RPLP2: variants seen among roughly 807,000 people sequenced by gnomAD.
The protein encoded by RPLP2 is ribosomal protein lateral stalk subunit P2, also known as large ribosomal subunit protein P2.
Under a neutral mutation model 11.5 loss-of-function variants are expected in RPLP2, and 1 was observed. The observed-to-expected ratio is 0.09, with a 90% CI of 0.03 to 0.41. The LOEUF is 0.41. RPLP2 is among the 10% of genes least tolerant of loss of function. RPLP2 has a pLI of 0.98. For synonymous variants in RPLP2, 82 were observed against 55.9 expected, an observed-to-expected ratio of 1.47 and a Z score of -2.08; for missense variants, 177 against 145.6, an observed-to-expected ratio of 1.22 and a Z score of -1.11.
intron 3 of RPLP2, 55 bp downstream of exon 3, chr11:811,700 C>A (rs1352866353): frequency 6.2e-7 from 1 of 1,609,326 alleles, no homozygotes; most frequent in African/African-American, 1.3e-5. Context: ...CTAATCCCTG[C>A]CGGTCCATCT....
rs769624915 is a variant in RPLP2 at position 810,292 on chromosome 11, G to A, written c.58G>A (p.Ala20Thr). 1 of 1,608,560 alleles carries A rather than the reference G, an allele frequency of 6.2e-7. No individual in the cohort carries two copies. The highest frequency in any genetic ancestry group is 8.5e-7 in the Non-Finnish European group (1 of 1,178,280). The change falls in exon 2 of 5, where the codon GCC becomes ACC. Residue 20 changes from alanine to threonine, a missense_variant. By Grantham distance (58) the Ala-to-Thr change is moderately conservative (BLOSUM62 0). Coordinates refer to ENST00000321153, the MANE Select transcript of RPLP2 (RefSeq NM_001004.4). Reference protein sequence around the residue: ...AALGGNSSPSAKDIKKILDSV... With the variant: ...AALGGNSSPSTKDIKKILDSV... ...CCTAGGGGGCAACTCCTCCCCCAGC[G>A]CCAAGGACATCAAGAAGATCTTGGA...
In RPLP2 at chr11:810,016, C is replaced by T. The variant is rs11540443; in HGVS notation, c.-25C>T. ...GGTCGCACGCGTGAGACTTCTCCGC[C>T]GCCTCCGCCGCAGACGCCGCCGCGT... On this transcript the variant is annotated 5_prime_UTR_variant, in exon 1 of 5. Transcript: ENST00000321153. The T allele has an allele frequency of 1.4e-4, 36 of 253,418 alleles. No individual in the cohort carries two copies. The highest frequency in any genetic ancestry group is 1.4e-3 in the Middle Eastern group (1 of 702). 15.7% of individuals were successfully genotyped at this position (253,418 alleles called of 1,614,324 possible).
chr11:811,958 A>C, intron 3 of RPLP2: 1 of 579,908 alleles, frequency 1.7e-6, no homozygotes, highest in Non-Finnish European at 3.2e-6. Flanking sequence ...AGTTCACGTC[A>C]GCAGTCCTTA....
intron 3 of RPLP2, chr11:811,871 T>C: frequency 2.6e-6 from 2 of 756,174 alleles, no homozygotes; most frequent in Admixed American, 3.4e-5. Flanking sequence ...TAGGTGGCCC[T>C]GCCTCTTAAG....
At chr11:812,028 G>T in intron 3 of RPLP2, 1 of 418,806 alleles carries the variant, frequency 2.4e-6, no homozygotes, top group Non-Finnish European at 4.5e-6. Context: ...GATGTCCATA[G>T]GCTCCTTGCC....
At chr11:811,451 G>C in intron 2 of RPLP2, 146 bp from the exon 3 acceptor site, 1 of 805,256 alleles carries the variant, frequency 1.2e-6, no homozygotes, top group South Asian at 1.6e-5. Context: ...AAGTGAGGCT[G>C]GTGGCTCCCT....
At chr11:811,561 C>T (rs1363669636) in intron 2 of RPLP2, 36 bp from the exon 3 acceptor site, 3 of 1,613,672 alleles carry the variant, frequency 1.9e-6, no homozygotes, top group Non-Finnish European at 2.5e-6. Context: ...TACAATCGTA[C>T]ATTCCTGGTA....
At chr11:811,287 C>A in intron 2 of RPLP2, 1 of 425,472 alleles carries the variant, frequency 2.4e-6, no homozygotes, top group South Asian at 2.3e-5. Flanking sequence ...CACTGCACTC[C>A]AGCCTGAAGT....
Position 810,353 on chromosome 11 carries a change from A to G in RPLP2, c.119A>G (p.Asn40Ser), listed in dbSNP as rs749273033. 2.5e-6 allele frequency: 4 copies of G among 1,606,504 alleles called. No homozygotes were observed. The East Asian group carries it at 6.8e-5, about 27-fold the overall frequency. The change falls in exon 2 of 5, where the codon AAC (asparagine) becomes AGC (serine). Residue 40 changes from asparagine (N) to serine (S), a missense_variant. Physicochemically the swap from Asn to Ser is conservative, Grantham distance 46. Transcript: ENST00000321153. ...VGIEADDDRL[N>S]KVISELNGKN... Reference sequence around the variant, plus strand: ...ATCGAGGCGGACGACGACCGGCTCAACAAGGTAGCGGCCGCCCTTGCCCCG... The same window carrying G: ...ATCGAGGCGGACGACGACCGGCTCAGCAAGGTAGCGGCCGCCCTTGCCCCG...
At chr11:810,804 A>C (rs2133834794) in intron 2 of RPLP2, among the ~76,000 whole-genome samples, 1 of 151,878 alleles carries the variant, frequency 6.6e-6, no homozygotes, top group East Asian at 1.9e-4. Flanking sequence ...AAAAAAAAAA[A>C]AAAGCAGGGT....
chr11:810,368 C>T lies in RPLP2; in HGVS notation c.123+11C>T, dbSNP rs1479900194. The T allele has an allele frequency of 4.4e-6, 7 of 1,602,460 alleles. No homozygotes were observed. In the Admixed American group the frequency reaches 8.5e-5, roughly 19 times the overall value. On this transcript the variant is annotated intron_variant, in intron 2 of 4. Transcript: ENST00000321153. ...GACCGGCTCAACAAGGTAGCGGCCG[C>T]CCTTGCCCCGCAGCCGCCGTGGGGC... is the stretch of plus-strand genomic sequence containing the variant.
rs879178116 is a variant in RPLP2, at chr11:812,636, A to G, written c.271+3A>G. 2 of 1,610,612 alleles carry G rather than the reference A, an allele frequency of 1.2e-6. No homozygotes were observed. Among genetic ancestry groups the G allele is most frequent in the South Asian group, 2.2e-5 (2 of 91,004 alleles). On this transcript the variant is annotated splice_donor_region_variant and intron_variant, in intron 4 of 4. Coordinates refer to ENST00000321153, the MANE Select transcript of RPLP2 (RefSeq NM_001004.4). ...TGCTGGTTCTGCCCCTGCTGCAGGT[A>G]AGTGGTGGCCTGGTGAGTGGGCAAG... is the stretch of plus-strand genomic sequence containing the variant.
intron 2 of RPLP2, chr11:811,296 G>A (rs1565079331): frequency 8.9e-6 from 4 of 450,480 alleles, no homozygotes; most frequent in East Asian, 4.3e-5. Context: ...CCAGCCTGAA[G>A]TCAAAGTCAA....
At chr11:811,283 A>G in intron 2 of RPLP2, 1 of 417,762 alleles carries the variant, frequency 2.4e-6, no homozygotes, top group South Asian at 2.3e-5. Context: ...CTACCACTGC[A>G]CTCCAGCCTG....
chr11:812,794 T>G lies in RPLP2; in HGVS notation c.306T>G (p.Ser102=). Residue 102 remains serine, a synonymous_variant, in exon 5 of 5, where the codon TCT becomes TCG. Transcript: ENST00000321153. ...EEKKDEKKEE[S]EESDDDMGFG... ...AGAAAGATGAGAAGAAGGAGGAGTCTGAAGAGTCAGATGATGACATGGGAT... is the reference window on the plus strand; with the variant it reads ...AGAAAGATGAGAAGAAGGAGGAGTCGGAAGAGTCAGATGATGACATGGGAT... The G allele has an allele frequency of 6.2e-7, 1 of 1,613,814 alleles. No homozygotes were observed. The highest frequency in any genetic ancestry group is 1.7e-5 in the Admixed American group (1 of 60,020).
chr11:810,784 T>G (rs1866011428), intron 2 of RPLP2, among the ~76,000 whole-genome samples: 1 of 106,726 alleles, frequency 9.4e-6, no homozygotes, highest in Non-Finnish European at 1.8e-5. Flanking sequence ...AGACCCTGTC[T>G]CAAAAGGAAA....
intron 4 of RPLP2, 58 bp from the exon 5 acceptor site, chr11:812,702 T>G: frequency 6.2e-7 from 1 of 1,612,892 alleles, no homozygotes; most frequent in Non-Finnish European, 8.5e-7. Context: ...GGGGTCTTCA[T>G]GGGGGGACTG....
At chr11:812,697 C>T (rs1866099537) in intron 4 of RPLP2, 63 bp from the exon 5 acceptor site, 5 of 1,612,866 alleles carry the variant, frequency 3.1e-6, no homozygotes, top group Non-Finnish European at 2.5e-6. Context: ...GCAGTGGGGT[C>T]TTCATGGGGG....
At chr11:811,760 C>G (rs946993328) in intron 3 of RPLP2, 115 bp downstream of exon 3, 4 of 1,330,740 alleles carry the variant, frequency 3.0e-6, no homozygotes, top group Middle Eastern at 3.6e-4. Context: ...GAAGCCTCAC[C>G]CGAGGAGTGA....
Sources: gnomAD v4.1 joint callset for allele counts (sites outside exome capture counted in the v4.1 genomes callset) on GRCh38, gnomAD v4.1.1 for gene constraint, MANE v1.5 for transcripts, NCBI Gene and HGNC (gene_info 2026-07-23, HGNC 2026-07-21) for gene names.